Variants in C6 observed in about 807,000 individuals in gnomAD.
C6 encodes complement C6.
In C6, 101 loss-of-function variants were observed where a neutral mutation model predicts 112.9. The ratio of observed to expected loss-of-function variants is 0.89; its 90% CI spans 0.76 to 1.06. The LOEUF (loss-of-function observed/expected upper bound fraction) is 1.06, where lower values mean the gene tolerates loss of function less well. C6 is among the 50% of genes least tolerant of loss of function. The pLI is 0.00. For missense variants in C6, 1,202 were observed against 1,104.6 expected (o/e 1.09, Z -1.25); for synonymous variants, 431 against 384.1 (o/e 1.12, Z -1.43).
intron 4 of C6, among the ~76,000 whole-genome samples, chr5:41,198,619 G>T (rs146445492): frequency 6.6e-6 from 1 of 152,220 alleles, no homozygotes; most frequent in African/African-American, 2.4e-5. Flanking sequence ...ATGAACTGGC[G>T]ATCAGCTGTG....
intron 9 of C6, among the ~76,000 whole-genome samples, chr5:41,162,704 T>C (rs944648684): frequency 2.6e-5 from 4 of 152,194 alleles, no homozygotes; most frequent in African/African-American, 9.6e-5. Context: ...GAATTAGCTA[T>C]GATCCCACTA....
At position 41,142,846 on chromosome 5, in the gene C6, A is replaced by T; in HGVS notation, c.2784T>A (p.His928Gln). The T allele has an allele frequency of 6.2e-7, 1 of 1,613,338 alleles. No individual in the cohort carries two copies. The highest frequency in any genetic ancestry group is 8.5e-7 in the Non-Finnish European group (1 of 1,179,464). Reference protein sequence around the residue: ...RCANRKMEILHPGKCLA With the variant: ...RCANRKMEILQPGKCLA ...TGTGCTAGGCCAAACACTTTCCAGG[A>T]TGCAGTATTTCCATCTTCCTGTTTG... is the stretch of plus-strand genomic sequence containing the variant. The change falls in exon 18 of 18, where the codon CAT becomes CAA. Residue 928 changes from histidine to glutamine, a missense_variant. His to Gln is a conservative substitution (Grantham distance 24). Transcript: ENST00000337836.
intron 17 of C6, among the ~76,000 whole-genome samples, chr5:41,143,390 T>TC (rs1233586087): frequency 6.6e-6 from 1 of 152,192 alleles, no homozygotes; most frequent in Non-Finnish European, 1.5e-5. Flanking sequence ...CTGCCTACAT[T>TC]CAATCAGGCA....
At chr5:41,200,870 TTTG>T (rs199637102) in intron 3 of C6, among the ~76,000 whole-genome samples, 1,814 of 129,690 alleles carry the variant, frequency 0.014, 78 homozygotes, top group African/African-American at 0.025. Flanking sequence ...AAACCCTGTT[TTTG>T]TTGTTGTTGT....
At chr5:41,209,968 A>G (rs897123075) in intron 1 of C6, among the ~76,000 whole-genome samples, 1 of 152,196 alleles carries the variant, frequency 6.6e-6, no homozygotes, top group Non-Finnish European at 1.5e-5. Context: ...TTCAAACTAT[A>G]TTACAAGGCT....
In C6 at chr5:41,189,905, T is replaced by C. The variant is rs184143998; in HGVS notation, c.588-3697A>G. On this transcript the variant is annotated intron_variant, in intron 5 of 17. Transcript: ENST00000337836. ...TTCTGGCTTATTTCACTTAATATCC[T>C]CCAGGATCATCCATGTTTCTCCAGT... Among the ~76,000 whole-genome samples the C allele has an allele frequency of 6.8e-4, 103 of 152,312 alleles. 1 individual carries two copies. The highest frequency in any genetic ancestry group is 3.4e-3 in the Middle Eastern group (1 of 294).
chr5:41,203,276 T>C, intron 1 of C6, 26 bp from the exon 2 acceptor site: 1 of 1,610,472 alleles, frequency 6.2e-7, no homozygotes, highest in Non-Finnish European at 8.5e-7. Context: ...ACATAACACA[T>C]ATCAAATGCT....
At chr5:41,218,604 C>G (rs1867539) in intron 1 of C6, among the ~76,000 whole-genome samples, 135,300 of 152,136 alleles carry the variant, frequency 0.89, 60,312 homozygotes, top group African/African-American at 0.93. Flanking sequence ...CCCGATCTCA[C>G]AAAATTTAAT....
At chr5:41,162,658 G>A (rs974165921) in intron 9 of C6, among the ~76,000 whole-genome samples, 3 of 152,170 alleles carry the variant, frequency 2.0e-5, no homozygotes, top group African/African-American at 7.2e-5. Flanking sequence ...TGATATGAGC[G>A]ATAGTTAGTG....
intron 5 of C6, among the ~76,000 whole-genome samples, chr5:41,187,689 G>C (rs905580110): frequency 3.2e-5 from 2 of 62,372 alleles, no homozygotes; most frequent in Non-Finnish European, 6.2e-5. Flanking sequence ...AAAGTACACA[G>C]ACACACACAT....
Position 41,213,502 on chromosome 5 carries a change from A to C in C6, c.-147T>G. On this transcript the variant is annotated 5_prime_UTR_variant, in exon 1 of 18. Transcript: ENST00000337836. ...GCTTCTTTTCTTATTGCTAGCTAACACAAGGCAATGCTGTCATATCCCAGA... is the reference window on the plus strand; with the variant it reads ...GCTTCTTTTCTTATTGCTAGCTAACCCAAGGCAATGCTGTCATATCCCAGA... 1 of 985,302 alleles carries C rather than the reference A, an allele frequency of 1.0e-6. No homozygotes were observed. The highest frequency in any genetic ancestry group is 1.2e-6 in the Non-Finnish European group (1 of 829,818). The allele number at this position is 985,302 out of a possible 1,614,324, so 61.0% of individuals were successfully genotyped here. A position where few individuals can be genotyped will look rare whatever the true frequency, so the allele number is the denominator to read the frequency against.
At chr5:41,260,275 C>A (rs114654622) in intron 1 of C6, among the ~76,000 whole-genome samples, 3,883 of 152,088 alleles carry the variant, frequency 0.026, 167 homozygotes, top group African/African-American at 0.089. Flanking sequence ...ACACCACACA[C>A]ACACACACGC....
intron 6 of C6, among the ~76,000 whole-genome samples, chr5:41,183,394 A>G (rs142648193): frequency 1.3e-5 from 2 of 152,300 alleles, no homozygotes; most frequent in East Asian, 3.9e-4. Context: ...CATCATCAAT[A>G]ATCATCAGAG....
chr5:41,251,994 C>A (rs377747926), intron 1 of C6, among the ~76,000 whole-genome samples: 1 of 152,294 alleles, frequency 6.6e-6, no homozygotes, highest in East Asian at 1.9e-4. Flanking sequence ...CTAAGTAAAC[C>A]TTATGGCAAA....
chr5:41,196,620 A>T (rs1750641289), intron 4 of C6, among the ~76,000 whole-genome samples: 1 of 151,412 alleles, frequency 6.6e-6, no homozygotes, highest in South Asian at 2.1e-4. Context: ...TACTATATAT[A>T]ATTAGTACAG....
At chr5:41,173,142 A>G (rs1025919882) in intron 8 of C6, among the ~76,000 whole-genome samples, 1 of 152,166 alleles carries the variant, frequency 6.6e-6, no homozygotes, top group African/African-American at 2.4e-5. Flanking sequence ...ATTGGGAATG[A>G]TATCTTCCTA....
rs1156625709 is a variant in C6, at chr5:41,149,964, G to A, written c.2352C>T (p.Cys784=). 6.2e-7 allele frequency: 1 copy of A among 1,612,446 alleles called. No individual in the cohort carries two copies. The highest frequency in any genetic ancestry group is 1.7e-5 in the Admixed American group (1 of 59,984). The change falls in exon 16 of 18, where the codon TGC becomes TGT. Residue 784 remains cysteine (C), a synonymous_variant. Coordinates refer to ENST00000337836, the MANE Select transcript of C6 (RefSeq NM_000065.5). ...QLGQKQSGSE[C]ICMSPEEDCS... ...AGTCTTCTTCTGGAGACATACAAAT[G>A]CATTCAGATCCTGATTGTTTCTGTC...
chr5:41,197,772 G>T (rs565376334), intron 4 of C6, among the ~76,000 whole-genome samples: 1 of 152,246 alleles, frequency 6.6e-6, no homozygotes, highest in African/African-American at 2.4e-5. Context: ...GGGTGAGAAT[G>T]GTTCCAGGTC....
intron 1 of C6, among the ~76,000 whole-genome samples, chr5:41,256,155 A>G (rs982127166): frequency 1.3e-5 from 2 of 152,064 alleles, no homozygotes; most frequent in African/African-American, 2.4e-5. Context: ...TCCATGGTGT[A>G]TATGTGCCAC....
Sources: gnomAD v4.1 joint callset for allele counts (sites outside exome capture counted in the v4.1 genomes callset) on GRCh38, gnomAD v4.1.1 for gene constraint, MANE v1.5 for transcripts, NCBI Gene and HGNC (gene_info 2026-07-23, HGNC 2026-07-21) for gene names.